The following TSPAN9 variants were observed in gnomAD, a reference collection of about 807,000 sequenced individuals.
The protein encoded by TSPAN9 is tetraspanin-9.
Under a neutral mutation model 31.0 loss-of-function variants are expected in TSPAN9, and 16 were observed. That is an observed-to-expected ratio of 0.52 (90% CI 0.35 to 0.78). The LOEUF is 0.78. Among genes scored for constraint, TSPAN9 ranks in the 30% least tolerant of loss-of-function variants. TSPAN9 has a pLI of 0.01. For missense variants in TSPAN9, 272 were observed against 312.5 expected, an observed-to-expected ratio of 0.87 and a Z score of 0.98; for synonymous variants, 145 against 121.6, an observed-to-expected ratio of 1.19 and a Z score of -1.27.
At chr12:3,184,291 G>C (rs1212321728) in intron 2 of TSPAN9, among the ~76,000 whole-genome samples, 1 of 152,088 alleles carries the variant, frequency 6.6e-6, no homozygotes, top group Non-Finnish European at 1.5e-5. Context: ...CCAGCTACTT[G>C]GGAGGCTGAA....
chr12:3,219,865 A>T (rs1319170777), intron 3 of TSPAN9, among the ~76,000 whole-genome samples: 1 of 150,216 alleles, frequency 6.7e-6, no homozygotes, highest in Non-Finnish European at 1.5e-5. Flanking sequence ...AAAAAAAAAA[A>T]GGAATGAGGC....
At chr12:3,151,790 G>T (rs1280893162) in intron 2 of TSPAN9, among the ~76,000 whole-genome samples, 2 of 152,020 alleles carry the variant, frequency 1.3e-5, no homozygotes, top group African/African-American at 4.8e-5. Flanking sequence ...AACAACCGTG[G>T]TGTGCGCCTG....
chr12:3,259,516 T>A (rs994798376), intron 3 of TSPAN9, among the ~76,000 whole-genome samples: 1 of 152,218 alleles, frequency 6.6e-6, no homozygotes, highest in Non-Finnish European at 1.5e-5. Flanking sequence ...GGATCTCTCC[T>A]GTCACAGAGC....
intron 2 of TSPAN9, among the ~76,000 whole-genome samples, chr12:3,127,199 G>C (rs2098327713): frequency 6.6e-6 from 1 of 152,042 alleles, no homozygotes; most frequent in Middle Eastern, 3.4e-3. Context: ...CCAGGAGTTG[G>C]AGACCAGCCT....
intron 2 of TSPAN9, among the ~76,000 whole-genome samples, chr12:3,156,096 T>C (rs1017834319): frequency 6.6e-6 from 1 of 152,196 alleles, no homozygotes; most frequent in Non-Finnish European, 1.5e-5. Context: ...TCAGTGACAA[T>C]GTCAGCTCCA....
At chr12:3,090,617 T>G (rs1279032497) in intron 2 of TSPAN9, among the ~76,000 whole-genome samples, 1 of 152,236 alleles carries the variant, frequency 6.6e-6, no homozygotes, top group Admixed American at 6.5e-5. Flanking sequence ...CAGCAAGTCA[T>G]GGGACCAGCA....
intron 2 of TSPAN9, among the ~76,000 whole-genome samples, chr12:3,127,066 T>C (rs1399914761): frequency 6.6e-6 from 1 of 151,906 alleles, no homozygotes; most frequent in Non-Finnish European, 1.5e-5. Context: ...TGGTAGCATG[T>C]CCAACTTGTG....
At chr12:3,099,812 TACC>T (rs2098310937) in intron 2 of TSPAN9, among the ~76,000 whole-genome samples, 3 of 151,492 alleles carry the variant, frequency 2.0e-5, no homozygotes, top group African/African-American at 7.3e-5. Flanking sequence ...TTCTACCGAA[TACC>T]CTGTGTTTTT....
chr12:3,133,649 C>G (rs11062524), intron 2 of TSPAN9, among the ~76,000 whole-genome samples: 19,045 of 152,212 alleles, frequency 0.13, 1,300 homozygotes, highest in South Asian at 0.18. Flanking sequence ...TAAAATGATG[C>G]TGCTTGAAGT....
At chr12:3,266,591 CA>C (rs1370177112) in intron 3 of TSPAN9, among the ~76,000 whole-genome samples, 2 of 152,200 alleles carry the variant, frequency 1.3e-5, no homozygotes, top group African/African-American at 2.4e-5. Flanking sequence ...ATGTTGCAAA[CA>C]GGATGGGTCA....
rs1217404602 is a variant in TSPAN9 at position 3,121,542 on chromosome 12, T to G, written c.-18+37823T>G. Among the ~76,000 whole-genome samples the G allele has an allele frequency of 7.9e-5, 11 of 139,330 alleles. No homozygotes were observed. The East Asian group carries it at 2.0e-3, about 25-fold the overall frequency. The allele number at this position is 139,330 out of a possible 152,430, so 91.4% of individuals were successfully genotyped here. On this transcript the variant is annotated intron_variant, in intron 2 of 8. Coordinates refer to ENST00000011898, the MANE Select transcript of TSPAN9 (RefSeq NM_006675.5). ...ATCTGGCTAATTAAAACTTTTTTTT[T>G]TTTTTTTTTTTTTTTTGTAGAGACA...
At chr12:3,098,892 A>G (rs968415169) in intron 2 of TSPAN9, among the ~76,000 whole-genome samples, 2 of 151,812 alleles carry the variant, frequency 1.3e-5, no homozygotes, top group Non-Finnish European at 2.9e-5. Flanking sequence ...CCATGTGACT[A>G]TGGGTGTGCA....
At chr12:3,177,258 C>T (rs923164703) in intron 2 of TSPAN9, among the ~76,000 whole-genome samples, 1 of 152,132 alleles carries the variant, frequency 6.6e-6, no homozygotes, top group African/African-American at 2.4e-5. Flanking sequence ...CTGCCTCAGC[C>T]TCCCAAGTAG....
chr12:3,245,296 G>A lies in TSPAN9; in HGVS notation c.64-33125G>A, dbSNP rs138462789. Among the ~76,000 whole-genome samples the A allele has an allele frequency of 2.6e-5, 4 of 152,360 alleles. No individual in the cohort carries two copies. The East Asian group carries it at 5.8e-4, about 22-fold the overall frequency. On this transcript the variant is annotated intron_variant, in intron 3 of 8. Transcript: ENST00000011898. ...GCCCATTTCTGGCTCTCGGGCCTTG[G>A]CCAGGGGTGGTGCCCAGGGGATGCA...
intron 2 of TSPAN9, among the ~76,000 whole-genome samples, chr12:3,103,610 C>T (rs1176759513): frequency 1.4e-5 from 2 of 147,152 alleles, no homozygotes; most frequent in East Asian, 3.8e-4. Context: ...ATGCCATGCA[C>T]GAACATGTAT....
intron 3 of TSPAN9, among the ~76,000 whole-genome samples, chr12:3,270,225 T>C (rs1287720343): frequency 2.0e-5 from 3 of 152,136 alleles, no homozygotes; most frequent in African/African-American, 7.2e-5. Flanking sequence ...CCCAAGAAAG[T>C]GGACTTAAGG....
intron 3 of TSPAN9, among the ~76,000 whole-genome samples, chr12:3,262,262 C>T (rs752847343): frequency 4.5e-4 from 68 of 152,318 alleles, no homozygotes; most frequent in Non-Finnish European, 8.2e-4. Context: ...GCTCCCGTGC[C>T]AGCCTGTATC....
In TSPAN9 at chr12:3,192,407, G is replaced by A. The variant is rs557972438; in HGVS notation, c.-17-8770G>A. 6.6e-6 allele frequency among the ~76,000 whole-genome samples: 1 copy of A among 152,278 alleles called. No individual in the cohort carries two copies. The highest frequency in any genetic ancestry group is 2.1e-4 in the South Asian group (1 of 4,822). ...AGCAGGGCTGGACAAGGGCGGGGACGAGGAGGATGCCAGGTGCAGGGAGGC... is the reference window on the plus strand; with the variant it reads ...AGCAGGGCTGGACAAGGGCGGGGACAAGGAGGATGCCAGGTGCAGGGAGGC... On this transcript the variant is annotated intron_variant, in intron 2 of 8. Transcript: ENST00000011898. This position sits in a 1 kb window ranked among gnomAD's most constrained non-coding sequence, Gnocchi z 4.6.
rs889174157 is a variant in TSPAN9 at position 3,147,525 on chromosome 12, T to C, written c.-17-53652T>C. Among the ~76,000 whole-genome samples the C allele has an allele frequency of 6.6e-6, 1 of 151,908 alleles. No individual in the cohort carries two copies. Among genetic ancestry groups the C allele is most frequent in the Non-Finnish European group, 1.5e-5 (1 of 68,024 alleles). Reference sequence around the variant, plus strand: ...TCCCTGCCCACTTCCAGATTCAGTTTGAGCCACCTAGGGCCTGTTCTGCCC... The same window carrying C: ...TCCCTGCCCACTTCCAGATTCAGTTCGAGCCACCTAGGGCCTGTTCTGCCC... On this transcript the variant is annotated intron_variant, in intron 2 of 8. Coordinates refer to ENST00000011898, the MANE Select transcript of TSPAN9 (RefSeq NM_006675.5). This position sits in a 1 kb window ranked among gnomAD's most constrained non-coding sequence, Gnocchi z 4.3.
Sources: gnomAD v4.1 joint callset for allele counts (sites outside exome capture counted in the v4.1 genomes callset) on GRCh38, gnomAD v4.1.1 for gene constraint, Gnocchi (gnomAD v3.1) non-coding constraint, MANE v1.5 for transcripts, NCBI Gene and HGNC (gene_info 2026-07-23, HGNC 2026-07-21) for gene names.